The following AKAP19 variants were observed in gnomAD, a reference collection of about 807,000 sequenced individuals.
The protein encoded by AKAP19 is small A-kinase anchoring protein.
the AKAP19 span, among the ~76,000 whole-genome samples, chr2:189,901,886 A>T: frequency 7.2e-5 from 11 of 152,254 alleles, no homozygotes; most frequent in African/African-American, 2.6e-4. Flanking sequence ...CTCATCTGTC[A>T]AATGGATATA....
At chr2:190,127,156 A>C in the AKAP19 span, among the ~76,000 whole-genome samples, 1 of 151,414 alleles carries the variant, frequency 6.6e-6, no homozygotes, top group African/African-American at 2.4e-5. Flanking sequence ...GTAAATTACT[A>C]TTTGGAAAGA....
the AKAP19 span, among the ~76,000 whole-genome samples, chr2:189,917,968 G>C: frequency 6.6e-6 from 1 of 151,524 alleles, no homozygotes; most frequent in Admixed American, 6.6e-5. Context: ...ATATCTCTTT[G>C]TATAGTTTTT....
chr2:190,193,947 C>T, the AKAP19 span, among the ~76,000 whole-genome samples: 1 of 152,106 alleles, frequency 6.6e-6, no homozygotes, highest in African/African-American at 2.4e-5. Context: ...CTTCTAAGCT[C>T]TAAAACTAAT....
the AKAP19 span, among the ~76,000 whole-genome samples, chr2:190,172,620 G>C: frequency 6.6e-6 from 1 of 152,082 alleles, no homozygotes; most frequent in South Asian, 2.1e-4. Context: ...CCAGAACTAG[G>C]GCCAGATTTA....
At chr2:189,998,771 CTTTTTTT>C in the AKAP19 span, among the ~76,000 whole-genome samples, 4 of 97,544 alleles carry the variant, frequency 4.1e-5, no homozygotes, top group Admixed American at 1.4e-4. Flanking sequence ...TTCTTTCTTT[CTTTTTTT>C]TTTTTTTTTT....
the AKAP19 span, among the ~76,000 whole-genome samples, chr2:190,196,185 C>T: frequency 5.9e-5 from 9 of 152,006 alleles, no homozygotes; most frequent in East Asian, 1.9e-4. Context: ...CTGGGTTAAA[C>T]GTATCTAATT....
the AKAP19 span, among the ~76,000 whole-genome samples, chr2:190,130,792 G>GA: frequency 6.6e-6 from 1 of 152,150 alleles, no homozygotes. Context: ...AAGAGAATAA[G>GA]CAAATCAGTG....
At chr2:190,033,895 C>T in the AKAP19 span, among the ~76,000 whole-genome samples, 1 of 152,248 alleles carries the variant, frequency 6.6e-6, no homozygotes, top group South Asian at 2.1e-4. Flanking sequence ...CCATCTCTCC[C>T]CGCTCATATC....
At chr2:190,059,749 A>G in the AKAP19 span, among the ~76,000 whole-genome samples, 1 of 152,006 alleles carries the variant, frequency 6.6e-6, no homozygotes, top group African/African-American at 2.4e-5. Flanking sequence ...ATTTTAATAC[A>G]TACAGTCATG....
At chr2:190,181,036 A>G in the AKAP19 span, 1 of 985,534 alleles carries the variant, frequency 1.0e-6, no homozygotes, top group Non-Finnish European at 1.2e-6. Context: ...CCCGGGCCTG[A>G]GCGCAGGCTG....
chr2:190,000,741 A>G, the AKAP19 span, among the ~76,000 whole-genome samples: 3,429 of 152,308 alleles, frequency 0.023, 47 homozygotes, highest in Admixed American at 0.03. Flanking sequence ...ATGAGAAGTT[A>G]GCTTTTAATT....
the AKAP19 span, among the ~76,000 whole-genome samples, chr2:189,977,769 AAG>A: frequency 6.6e-6 from 1 of 152,210 alleles, no homozygotes; most frequent in Non-Finnish European, 1.5e-5. Context: ...GATATTAAAA[AAG>A]AGAGTTGACA....
At chr2:190,128,779 T>G in the AKAP19 span, among the ~76,000 whole-genome samples, 2 of 152,310 alleles carry the variant, frequency 1.3e-5, no homozygotes, top group East Asian at 3.9e-4. Flanking sequence ...AATGTAGAAA[T>G]GTATAAAGAA....
At chr2:189,942,596 G>A in the AKAP19 span, among the ~76,000 whole-genome samples, 63 of 152,332 alleles carry the variant, frequency 4.1e-4, no homozygotes, top group African/African-American at 1.4e-3. Flanking sequence ...GGGCTCAGAA[G>A]AAGACAGGAA....
chr2:190,172,431 A>G, the AKAP19 span, among the ~76,000 whole-genome samples: 2,064 of 152,358 alleles, frequency 0.014, 26 homozygotes, highest in Middle Eastern at 0.027. Context: ...AGAAACACAG[A>G]AAACCTAGAA....
the AKAP19 span, among the ~76,000 whole-genome samples, chr2:189,978,342 TG>T: frequency 0.034 from 5,217 of 152,264 alleles, 286 homozygotes; most frequent in African/African-American, 0.11. Context: ...AAATTTGGGC[TG>T]GGCATGGTGG....
the AKAP19 span, among the ~76,000 whole-genome samples, chr2:190,118,532 C>T: frequency 6.6e-6 from 1 of 152,208 alleles, no homozygotes; most frequent in East Asian, 1.9e-4. Context: ...ATCAAGTGGG[C>T]TTCATCCCTG....
chr2:189,922,388 C>T, the AKAP19 span, among the ~76,000 whole-genome samples: 3 of 152,170 alleles, frequency 2.0e-5, no homozygotes, highest in Admixed American at 6.5e-5. Context: ...GAGACCAGTT[C>T]GAAAGCTATC....
At chr2:189,963,216 T>C in the AKAP19 span, among the ~76,000 whole-genome samples, 4,276 of 147,066 alleles carry the variant, frequency 0.029, 240 homozygotes, top group African/African-American at 0.099. Flanking sequence ...TTTTTTGAGA[T>C]GGAGTCTCAC....
Sources: gnomAD v4.1 joint callset for allele counts (sites outside exome capture counted in the v4.1 genomes callset) on GRCh38, gnomAD v4.1.1 for gene constraint, MANE v1.5 for transcripts, NCBI Gene and HGNC (gene_info 2026-07-23, HGNC 2026-07-21) for gene names.